The following PHYHIPL variants were observed in gnomAD, a reference collection of about 807,000 sequenced individuals.
The protein encoded by PHYHIPL is phytanoyl-CoA hydroxylase-interacting protein-like.
Under a neutral mutation model 33.4 loss-of-function variants are expected in PHYHIPL, and 9 were observed. That is an observed-to-expected ratio of 0.27 (90% CI 0.16 to 0.47). The LOEUF (loss-of-function observed/expected upper bound fraction) is 0.47. PHYHIPL is among the 20% of genes least tolerant of loss of function. The pLI is 0.99. For missense variants in PHYHIPL, 365 were observed against 460.7 expected (o/e 0.79, Z 1.90); for synonymous variants, 153 against 154.1 (o/e 0.99, Z 0.05).
chr10:59,232,263 A>G (rs1288988131), intron 1 of PHYHIPL, among the ~76,000 whole-genome samples: 2 of 152,056 alleles, frequency 1.3e-5, no homozygotes, highest in Non-Finnish European at 2.9e-5. Flanking sequence ...TAAGTAAGAA[A>G]GTTGCATAAA....
At chr10:59,199,651 T>C (rs1015093506) in intron 1 of PHYHIPL, among the ~76,000 whole-genome samples, 20 of 152,222 alleles carry the variant, frequency 1.3e-4, no homozygotes, top group African/African-American at 4.6e-4. Flanking sequence ...TTGGGCAGTA[T>C]GGCCATTTTC....
chr10:59,225,970 A>G (rs1162555184), intron 1 of PHYHIPL, among the ~76,000 whole-genome samples: 1 of 152,068 alleles, frequency 6.6e-6, no homozygotes, highest in African/African-American at 2.4e-5. Flanking sequence ...TAGGTGGAGG[A>G]AAATTTACCA....
chr10:59,224,480 CAAA>C (rs1169938645), intron 1 of PHYHIPL, among the ~76,000 whole-genome samples: 11 of 150,358 alleles, frequency 7.3e-5, no homozygotes, highest in African/African-American at 2.2e-4. Context: ...CAAAACAAAA[CAAA>C]ACAAAACAAA....
intron 1 of PHYHIPL, among the ~76,000 whole-genome samples, chr10:59,224,152 C>T (rs558324290): frequency 1.2e-4 from 19 of 152,178 alleles, no homozygotes; most frequent in Non-Finnish European, 1.8e-4. Flanking sequence ...TTGTGTTATA[C>T]GGGTGAATGT....
At chr10:59,230,740 T>G (rs1207435173) in intron 1 of PHYHIPL, among the ~76,000 whole-genome samples, 1 of 152,164 alleles carries the variant, frequency 6.6e-6, no homozygotes, top group African/African-American at 2.4e-5. Context: ...CTTGCTTTTA[T>G]ACATTTTATG....
Position 59,247,510 on chromosome 10 carries a change from G to A in PHYHIPL, c.*1919G>A. 3 of 1,417,766 alleles carry A rather than the reference G, an allele frequency of 2.1e-6. No individual in the cohort carries two copies. The highest frequency in any genetic ancestry group is 2.9e-6 in the Non-Finnish European group (3 of 1,018,506). The allele number at this position is 1,417,766 out of a possible 1,614,324, so 87.8% of individuals were successfully genotyped here. ...AAAAACAGCTAATACTACCACTAAA[G>A]TGCTTCCATTTTCATTGTGTCAAAA... On this transcript the variant is annotated 3_prime_UTR_variant, in exon 5 of 5. Coordinates refer to ENST00000373880, the MANE Select transcript of PHYHIPL (RefSeq NM_032439.4).
intron 1 of PHYHIPL, chr10:59,177,597 T>A: frequency 6.4e-7 from 1 of 1,551,706 alleles, no homozygotes; most frequent in Admixed American, 2.0e-5. Context: ...ATATATGTGC[T>A]GTGATTCAGA....
At chr10:59,235,808 G>A (rs1837770244) in intron 2 of PHYHIPL, among the ~76,000 whole-genome samples, 4 of 151,742 alleles carry the variant, frequency 2.6e-5, no homozygotes, top group Admixed American at 2.0e-4. Flanking sequence ...ACTTTACTAA[G>A]CATTTTTTAG....
intron 1 of PHYHIPL, among the ~76,000 whole-genome samples, chr10:59,205,719 T>C (rs964574816): frequency 3.3e-5 from 5 of 152,176 alleles, no homozygotes; most frequent in Non-Finnish European, 7.3e-5. Flanking sequence ...CTGGTCCTCA[T>C]GGCACAGTCC....
Position 59,247,427 on chromosome 10 carries a change from T to A in PHYHIPL, c.*1836T>A, listed in dbSNP as rs958819681. The A allele has an allele frequency of 1.7e-4, 113 of 649,116 alleles. No individual in the cohort carries two copies. Among genetic ancestry groups the A allele is most frequent in the Non-Finnish European group, 2.6e-4 (102 of 390,610 alleles). The allele number at this position is 649,116 out of a possible 1,614,324, so 40.2% of individuals were successfully genotyped here. A position where few individuals can be genotyped will look rare whatever the true frequency, so the allele number is the denominator to read the frequency against. Reference sequence around the variant, plus strand: ...CCAATTATATGGCTACCTGTTGTATTCTTCCCCCCGTTTAAATCCCTTCTC... The same window carrying A: ...CCAATTATATGGCTACCTGTTGTATACTTCCCCCCGTTTAAATCCCTTCTC... On this transcript the variant is annotated 3_prime_UTR_variant, in exon 5 of 5. Transcript: ENST00000373880.
rs772227524 is a variant in PHYHIPL, at chr10:59,185,752, G to A, written c.106+8793G>A. Among the ~76,000 whole-genome samples the A allele has an allele frequency of 1.5e-3, 224 of 152,226 alleles. 1 individual carries two copies. Among genetic ancestry groups the A allele is most frequent in the South Asian group, 7.1e-3 (34 of 4,812 alleles). On this transcript the variant is annotated intron_variant, in intron 1 of 4. Coordinates refer to ENST00000373880, the MANE Select transcript of PHYHIPL (RefSeq NM_032439.4). ...ATTTTTTCATGTGTCTGTTGGCTGCGTAAATGTCTTCTTTTGAGAAGTGTC... is the reference window on the plus strand; with the variant it reads ...ATTTTTTCATGTGTCTGTTGGCTGCATAAATGTCTTCTTTTGAGAAGTGTC...
intron 1 of PHYHIPL, among the ~76,000 whole-genome samples, chr10:59,184,128 T>C (rs1377988728): frequency 1.3e-5 from 2 of 152,186 alleles, no homozygotes; most frequent in Non-Finnish European, 1.5e-5. Context: ...ATTTTAGAGT[T>C]ATATCTGTGA....
intron 1 of PHYHIPL, among the ~76,000 whole-genome samples, chr10:59,187,721 C>T (rs1564701621): frequency 1.3e-5 from 2 of 152,088 alleles, no homozygotes; most frequent in Admixed American, 6.6e-5. Context: ...GGAATTTATC[C>T]GTTTCTTCTA....
chr10:59,222,411 C>A (rs1289679657), intron 1 of PHYHIPL, among the ~76,000 whole-genome samples: 1 of 151,710 alleles, frequency 6.6e-6, no homozygotes, highest in East Asian at 1.9e-4. Flanking sequence ...GCGAAATATT[C>A]TTTAAAAATA....
intron 1 of PHYHIPL, among the ~76,000 whole-genome samples, chr10:59,187,258 G>A (rs1838634987): frequency 6.6e-6 from 1 of 152,158 alleles, no homozygotes; most frequent in South Asian, 2.1e-4. Flanking sequence ...TTATAGGCTG[G>A]ATTACGTTTA....
chr10:59,210,236 A>T (rs907219376), intron 1 of PHYHIPL, among the ~76,000 whole-genome samples: 4 of 152,136 alleles, frequency 2.6e-5, no homozygotes, highest in African/African-American at 9.7e-5. Context: ...TTTACAAGAA[A>T]AAAACAACTC....
intron 1 of PHYHIPL, among the ~76,000 whole-genome samples, chr10:59,203,644 A>G (rs914397711): frequency 2.6e-5 from 4 of 152,062 alleles, no homozygotes; most frequent in Non-Finnish European, 4.4e-5. Context: ...GGAAACCATC[A>G]TTCTGAGCAA....
chr10:59,218,761 A>T (rs1170309709), intron 1 of PHYHIPL, among the ~76,000 whole-genome samples: 1 of 139,618 alleles, frequency 7.2e-6, no homozygotes, highest in Non-Finnish European at 1.7e-5. Flanking sequence ...TCTTGGTCTG[A>T]TATAGTTTGA....
chr10:59,184,273 A>T (rs1336306070), intron 1 of PHYHIPL, among the ~76,000 whole-genome samples: 1 of 152,204 alleles, frequency 6.6e-6, no homozygotes, highest in East Asian at 1.9e-4. Context: ...CTTTCTTGCT[A>T]CAACAACAGG....
Sources: allele counts gnomAD v4.1 joint callset (sites outside exome capture counted in the v4.1 genomes callset), GRCh38; gene constraint gnomAD v4.1.1; transcripts MANE v1.5; gene names NCBI Gene and HGNC (gene_info 2026-07-23, HGNC 2026-07-21).